Variants in ABCG2 observed in about 807,000 individuals in gnomAD.
ABCG2 encodes the protein broad substrate specificity ATP-binding cassette transporter ABCG2.
Under a neutral mutation model 73.5 loss-of-function variants are expected in ABCG2, and 80 were observed. The observed-to-expected ratio is 1.09, with a 90% CI of 0.91 to 1.31. The LOEUF is 1.31. Ranked by LOEUF, ABCG2 falls within the 50% of genes most tolerant of loss-of-function variation. The probability of loss-of-function intolerance (pLI) is 0.00; values close to 1 mark genes in which losing one functional copy is unlikely to be tolerated. For synonymous variants in ABCG2, 269 were observed against 282.4 expected, an observed-to-expected ratio of 0.95 and a Z score of 0.48; for missense variants, 796 against 786.2, an observed-to-expected ratio of 1.01 and a Z score of -0.15.
At chr4:88,187,396 T>G (rs903896086) in intron 1 of ABCG2, among the ~76,000 whole-genome samples, 1 of 152,156 alleles carries the variant, frequency 6.6e-6, no homozygotes. Flanking sequence ...GCGGATCTCT[T>G]GAGGTCAGGA....
intron 7 of ABCG2, 62 bp from the exon 8 acceptor site, chr4:88,115,120 C>T (rs576510679): frequency 3.4e-6 from 4 of 1,175,876 alleles, no homozygotes; most frequent in East Asian, 2.4e-5. Flanking sequence ...AGAGAACTCA[C>T]TTTCAGAGGG....
chr4:88,210,856 C>A (rs75004936), intron 1 of ABCG2, among the ~76,000 whole-genome samples: 1 of 152,004 alleles, frequency 6.6e-6, no homozygotes, highest in African/African-American at 2.4e-5. Flanking sequence ...GCCACCACAC[C>A]TGACCCATAC....
At chr4:88,210,452 T>A (rs915495934) in intron 1 of ABCG2, among the ~76,000 whole-genome samples, 1 of 152,226 alleles carries the variant, frequency 6.6e-6, no homozygotes, top group African/African-American at 2.4e-5. Flanking sequence ...GCCTTACCTT[T>A]GCCTTATTTT....
chr4:88,177,744 G>C (rs1004945480), intron 1 of ABCG2, among the ~76,000 whole-genome samples: 1 of 152,156 alleles, frequency 6.6e-6, no homozygotes, highest in Non-Finnish European at 1.5e-5. Flanking sequence ...ACATACCATG[G>C]AGAGAGAAAT....
chr4:88,186,325 C>A (rs1267858649), intron 1 of ABCG2, among the ~76,000 whole-genome samples: 1 of 152,140 alleles, frequency 6.6e-6, no homozygotes, highest in African/African-American at 2.4e-5. Context: ...CAAGCGAACT[C>A]ATGGAGATAG....
intron 14 of ABCG2, 105 bp downstream of exon 14, chr4:88,095,415 G>A: frequency 9.8e-7 from 1 of 1,016,694 alleles, no homozygotes; most frequent in East Asian, 2.5e-5. Flanking sequence ...GTTTCTGGAT[G>A]GGAGACTTTC....
At chr4:88,155,119 AGT>A (rs1578239398) in intron 1 of ABCG2, among the ~76,000 whole-genome samples, 1 of 151,962 alleles carries the variant, frequency 6.6e-6, no homozygotes, top group South Asian at 2.1e-4. Flanking sequence ...TGGAAAGAGG[AGT>A]GGGGAAAGGA....
chr4:88,118,989 G>A (rs1391704029), intron 6 of ABCG2, among the ~76,000 whole-genome samples: 2 of 152,182 alleles, frequency 1.3e-5, no homozygotes, highest in African/African-American at 4.8e-5. Flanking sequence ...ATGACTTACA[G>A]GTTGATAAGG....
chr4:88,176,477 CTTT>C (rs34754034), intron 1 of ABCG2, among the ~76,000 whole-genome samples: 219 of 84,842 alleles, frequency 2.6e-3, no homozygotes, highest in Middle Eastern at 7.9e-3. Flanking sequence ...AAAGAGAATG[CTTT>C]TTTTTTTTTT....
chr4:88,127,885 T>C (rs1236100878), intron 5 of ABCG2, among the ~76,000 whole-genome samples: 1 of 151,294 alleles, frequency 6.6e-6, no homozygotes, highest in Non-Finnish European at 1.5e-5. Flanking sequence ...CTGAAGGCAA[T>C]TGCAACAAAA....
intron 1 of ABCG2, among the ~76,000 whole-genome samples, chr4:88,156,757 C>T (rs1726970590): frequency 6.6e-6 from 1 of 152,146 alleles, no homozygotes; most frequent in Admixed American, 6.6e-5. Flanking sequence ...AGGTTTCTCT[C>T]CCAAGATCTC....
At chr4:88,103,827 A>T (rs1722603670) in intron 10 of ABCG2, among the ~76,000 whole-genome samples, 1 of 152,212 alleles carries the variant, frequency 6.6e-6, no homozygotes, top group Non-Finnish European at 1.5e-5. Context: ...TTCTGTGCTT[A>T]GCTTTCTGCG....
At chr4:88,196,388 C>A (rs1235326249) in intron 1 of ABCG2, among the ~76,000 whole-genome samples, 1 of 152,110 alleles carries the variant, frequency 6.6e-6, no homozygotes, top group Non-Finnish European at 1.5e-5. Flanking sequence ...TATCTTTAAC[C>A]ACAATTACCA....
intron 1 of ABCG2, among the ~76,000 whole-genome samples, chr4:88,225,847 G>T (rs1730189373): frequency 1.3e-5 from 2 of 152,144 alleles, no homozygotes; most frequent in South Asian, 4.1e-4. Context: ...TCACAATGAT[G>T]GTGGAGGGCA....
At chr4:88,157,848 A>AT (rs1484036656) in intron 1 of ABCG2, among the ~76,000 whole-genome samples, 1 of 152,212 alleles carries the variant, frequency 6.6e-6, no homozygotes, top group Non-Finnish European at 1.5e-5. Flanking sequence ...GCTTTAGGGG[A>AT]TATCTCTAGG....
chr4:88,173,193 G>A (rs1390764736), intron 1 of ABCG2, among the ~76,000 whole-genome samples: 1 of 152,152 alleles, frequency 6.6e-6, no homozygotes, highest in African/African-American at 2.4e-5. Context: ...CTCCAAAGTA[G>A]AAAGCATAGT....
chr4:88,117,453 T>C (rs1361387342), intron 7 of ABCG2, among the ~76,000 whole-genome samples: 1 of 151,824 alleles, frequency 6.6e-6, no homozygotes, highest in Non-Finnish European at 1.5e-5. Context: ...GCTAACAGGG[T>C]GAAACCCTGT....
intron 1 of ABCG2, among the ~76,000 whole-genome samples, chr4:88,189,103 C>G (rs1207830324): frequency 2.6e-5 from 4 of 152,134 alleles, no homozygotes; most frequent in African/African-American, 7.2e-5. Context: ...CAGTCTCTTT[C>G]CGCAATGTTT....
chr4:88,153,575 G>A (rs1726697004), intron 1 of ABCG2, among the ~76,000 whole-genome samples: 1 of 150,274 alleles, frequency 6.7e-6, no homozygotes, highest in Non-Finnish European at 1.5e-5. Flanking sequence ...TGAATACCAA[G>A]AGCCCGAAAA....
Sources: allele counts gnomAD v4.1 joint callset (sites outside exome capture counted in the v4.1 genomes callset), GRCh38; gene constraint gnomAD v4.1.1; transcripts MANE v1.5; gene names NCBI Gene and HGNC (gene_info 2026-07-23, HGNC 2026-07-21).